The following CHSY3 variants were observed in gnomAD, a reference collection of about 807,000 sequenced individuals.
CHSY3 encodes N-acetylgalactosaminyl-proteoglycan 3-beta-glucuronosyltransferase 3.
Under a neutral mutation model 67.2 loss-of-function variants are expected in CHSY3, and 35 were observed. The observed-to-expected ratio is 0.52, with a 90% CI of 0.40 to 0.69. CHSY3 has a LOEUF of 0.69. Ranked by LOEUF, CHSY3 falls within the 30% of genes least tolerant of loss-of-function variation. CHSY3 has a pLI of 0.00. For missense variants in CHSY3, 1,069 were observed against 1,138.5 expected (o/e 0.94, Z 0.88); for synonymous variants, 474 against 434.7 (o/e 1.09, Z -1.12).
In CHSY3 at chr5:129,904,713, C is replaced by T; in HGVS notation, c.-117C>T. 8.2e-7 allele frequency: 1 copy of T among 1,220,730 alleles called. No individual in the cohort carries two copies. The highest frequency in any genetic ancestry group is 1.6e-5 in the African/African-American group (1 of 63,878). 75.6% of individuals were successfully genotyped at this position (1,220,730 alleles called of 1,614,324 possible). A position where few individuals can be genotyped will look rare whatever the true frequency, so the allele number is the denominator to read the frequency against. On this transcript the variant is annotated 5_prime_UTR_variant, in exon 1 of 3. Transcript: ENST00000305031. ...CCTCCAGCCGGTGTCGGCGCCTAGGCGGCCGGCTGCGGCCGCGGCTGGGGG... is the reference window on the plus strand; with the variant it reads ...CCTCCAGCCGGTGTCGGCGCCTAGGTGGCCGGCTGCGGCCGCGGCTGGGGG...
intron 2 of CHSY3, among the ~76,000 whole-genome samples, chr5:129,941,809 A>C (rs1362288576): frequency 6.6e-6 from 1 of 152,122 alleles, no homozygotes; most frequent in Non-Finnish European, 1.5e-5. Flanking sequence ...GATTAACCAC[A>C]CACCCCAGAA....
intron 2 of CHSY3, among the ~76,000 whole-genome samples, chr5:130,169,123 T>A (rs371970242): frequency 1.1e-3 from 162 of 152,054 alleles, no homozygotes; most frequent in African/African-American, 3.7e-3. Context: ...ATGGTTTCCA[T>A]TTTTTTTGTC....
chr5:129,939,350 T>C (rs531307957), intron 2 of CHSY3, among the ~76,000 whole-genome samples: 1 of 152,276 alleles, frequency 6.6e-6, no homozygotes, highest in African/African-American at 2.4e-5. Context: ...TCAGATGCCA[T>C]ACTTTAATCA....
At chr5:129,922,395 T>TG (rs1309584097) in intron 2 of CHSY3, among the ~76,000 whole-genome samples, 1 of 152,246 alleles carries the variant, frequency 6.6e-6, no homozygotes, top group Non-Finnish European at 1.5e-5. Context: ...ATTTTTATTT[T>TG]GGGGGGAGCC....
rs531695923 is a variant in CHSY3 at position 129,978,999 on chromosome 5, C to T, written c.1086+70639C>T. Among the ~76,000 whole-genome samples, 14 of 151,386 alleles carry T rather than the reference C, an allele frequency of 9.2e-5. No individual in the cohort carries two copies. In the South Asian group the frequency reaches 2.7e-3, roughly 29 times the overall value. ...AGATCAGGAGGTCAGGAGATTGAGA[C>T]CATCCTGGCTAACACGGTGAAACCC... On this transcript the variant is annotated intron_variant, in intron 2 of 2. Coordinates refer to ENST00000305031, the MANE Select transcript of CHSY3 (RefSeq NM_175856.5).
At chr5:129,930,473 A>T (rs897478046) in intron 2 of CHSY3, among the ~76,000 whole-genome samples, 2 of 144,976 alleles carry the variant, frequency 1.4e-5, no homozygotes, top group Non-Finnish European at 3.0e-5. Flanking sequence ...ATACATAGAT[A>T]AGCACCATAG....
intron 2 of CHSY3, among the ~76,000 whole-genome samples, chr5:129,942,381 C>T (rs1312902973): frequency 2.0e-5 from 3 of 152,012 alleles, no homozygotes; most frequent in Non-Finnish European, 4.4e-5. Flanking sequence ...CCTAAAATTT[C>T]TATTATATAT....
intron 2 of CHSY3, among the ~76,000 whole-genome samples, chr5:129,950,861 C>G (rs1242353641): frequency 6.6e-6 from 1 of 152,238 alleles, no homozygotes; most frequent in Non-Finnish European, 1.5e-5. Flanking sequence ...AAATCCTTAT[C>G]AAAATTCCAA....
At chr5:130,024,530 T>C (rs1482353848) in intron 2 of CHSY3, among the ~76,000 whole-genome samples, 3 of 152,156 alleles carry the variant, frequency 2.0e-5, no homozygotes, top group African/African-American at 7.2e-5. Flanking sequence ...TGCTCTTTCA[T>C]GGTGACATCT....
At chr5:130,012,376 G>C (rs544276391) in intron 2 of CHSY3, among the ~76,000 whole-genome samples, 2 of 152,320 alleles carry the variant, frequency 1.3e-5, no homozygotes, top group South Asian at 4.1e-4. Context: ...ATAATACTGG[G>C]TAGCTGGTTA....
chr5:129,958,877 T>A (rs1198481370), intron 2 of CHSY3, among the ~76,000 whole-genome samples: 6 of 152,040 alleles, frequency 3.9e-5, no homozygotes, highest in African/African-American at 7.2e-5. Context: ...CAATTTTTTT[T>A]AGAGAGAGAT....
At chr5:129,913,773 G>C (rs1760644430) in intron 2 of CHSY3, among the ~76,000 whole-genome samples, 1 of 151,862 alleles carries the variant, frequency 6.6e-6, no homozygotes, top group South Asian at 2.1e-4. Flanking sequence ...AAGACAGCAG[G>C]GTTCTATGTT....
At chr5:130,061,627 A>G (rs1173033875) in intron 2 of CHSY3, among the ~76,000 whole-genome samples, 1 of 152,180 alleles carries the variant, frequency 6.6e-6, no homozygotes, top group Non-Finnish European at 1.5e-5. Context: ...AACCTGTAGA[A>G]TAGGAGAAAA....
At chr5:130,000,355 A>G (rs1763684147) in intron 2 of CHSY3, among the ~76,000 whole-genome samples, 1 of 152,230 alleles carries the variant, frequency 6.6e-6, no homozygotes, top group Non-Finnish European at 1.5e-5. Context: ...TTAGTAGTGG[A>G]AGAGTTGATC....
intron 2 of CHSY3, among the ~76,000 whole-genome samples, chr5:130,087,730 A>G (rs1258861792): frequency 6.6e-6 from 1 of 151,980 alleles, no homozygotes; most frequent in Admixed American, 6.6e-5. Context: ...ATACAAACAA[A>G]TGGAAGAACA....
intron 2 of CHSY3, among the ~76,000 whole-genome samples, chr5:130,143,524 G>A (rs1768939923): frequency 6.6e-6 from 1 of 151,422 alleles, no homozygotes; most frequent in South Asian, 2.1e-4. Context: ...GCGATGGTTT[G>A]CTCATTCTCA....
At chr5:130,061,036 C>A (rs886748034) in intron 2 of CHSY3, among the ~76,000 whole-genome samples, 4 of 152,070 alleles carry the variant, frequency 2.6e-5, no homozygotes, top group Admixed American at 6.6e-5. Flanking sequence ...ATTTCAATAT[C>A]ATTTTTCATA....
chr5:130,128,611 A>G (rs1225283345), intron 2 of CHSY3, among the ~76,000 whole-genome samples: 2 of 152,174 alleles, frequency 1.3e-5, no homozygotes, highest in African/African-American at 2.4e-5. Context: ...ATAGCTAATA[A>G]TACTATGTTG....
At chr5:130,143,087 C>G (rs1396296699) in intron 2 of CHSY3, among the ~76,000 whole-genome samples, 1 of 152,114 alleles carries the variant, frequency 6.6e-6, no homozygotes, top group Non-Finnish European at 1.5e-5. Flanking sequence ...TTCAGTGTAT[C>G]TATTCAAAAA....
Sources: gnomAD v4.1 joint callset for allele counts (sites outside exome capture counted in the v4.1 genomes callset) on GRCh38, gnomAD v4.1.1 for gene constraint, MANE v1.5 for transcripts, NCBI Gene and HGNC (gene_info 2026-07-23, HGNC 2026-07-21) for gene names.